Variants in ETFDH observed in about 807,000 individuals in gnomAD.
ETFDH encodes the protein electron transfer flavoprotein dehydrogenase.
Under a neutral mutation model 73.2 loss-of-function variants are expected in ETFDH, and 61 were observed. The ratio of observed to expected loss-of-function variants is 0.83; its 90% CI spans 0.68 to 1.03. The LOEUF (loss-of-function observed/expected upper bound fraction) is 1.03. Among genes scored for constraint, ETFDH ranks in the 50% least tolerant of loss-of-function variants. ETFDH has a pLI of 0.00. For missense variants in ETFDH, 685 were observed against 745.0 expected (o/e 0.92, Z 0.94); for synonymous variants, 243 against 253.3 (o/e 0.96, Z 0.39).
In ETFDH at chr4:158,672,409, G is replaced by T. The variant is rs1773593740; in HGVS notation, c.-48G>T. The T allele has an allele frequency of 1.2e-6, 2 of 1,610,278 alleles. No individual in the cohort carries two copies. Among genetic ancestry groups the T allele is most frequent in the Non-Finnish European group, 1.7e-6 (2 of 1,176,640 alleles). On this transcript the variant is annotated 5_prime_UTR_variant, in exon 1 of 13. Coordinates refer to ENST00000511912, the MANE Select transcript of ETFDH (RefSeq NM_004453.4). The stretch of plus-strand genomic sequence containing the variant: ...AGGTCCAGCGCCCGCCGCGAGCAGC[G>T]GACAGTCCTCCTGTTGTGTCCGACC...
intron 1 of ETFDH, among the ~76,000 whole-genome samples, chr4:158,677,803 A>G (rs565695910): frequency 3.9e-5 from 6 of 152,302 alleles, no homozygotes; most frequent in South Asian, 2.1e-4. Context: ...TCTACTTACC[A>G]TCATGGCATG....
rs370079385 is a variant in ETFDH, at chr4:158,672,453, G to C, written c.-4G>C. The C allele has an allele frequency of 6.2e-7, 1 of 1,614,150 alleles. No homozygotes were observed. The highest frequency in any genetic ancestry group is 1.1e-5 in the South Asian group (1 of 91,076). On this transcript the variant is annotated 5_prime_UTR_variant, in exon 1 of 13. Coordinates refer to ENST00000511912, the MANE Select transcript of ETFDH (RefSeq NM_004453.4). Reference sequence around the variant, plus strand: ...TCCGACCGAGAGTCCTGGTGACTTTGAACATGCTGGTGCCGCTAGCCAAGC... The same window carrying C: ...TCCGACCGAGAGTCCTGGTGACTTTCAACATGCTGGTGCCGCTAGCCAAGC...
chr4:158,680,764 A>G (rs1227775161), intron 2 of ETFDH, among the ~76,000 whole-genome samples, 157 bp downstream of exon 2: 1 of 152,242 alleles, frequency 6.6e-6, no homozygotes, highest in African/African-American at 2.4e-5. Context: ...TTCAGTCAAC[A>G]ACACGACAAT....
intron 1 of ETFDH, among the ~76,000 whole-genome samples, chr4:158,677,554 A>G (rs1387805842): frequency 2.0e-5 from 3 of 152,228 alleles, no homozygotes; most frequent in Non-Finnish European, 1.5e-5. Context: ...CTCACAAGAG[A>G]CAGCTTTGCA....
At chr4:158,691,917 A>G (rs546880201) in intron 6 of ETFDH, among the ~76,000 whole-genome samples, 6 of 152,336 alleles carry the variant, frequency 3.9e-5, no homozygotes, top group Admixed American at 3.9e-4. Flanking sequence ...ACTAGATTAT[A>G]AGCTCCCTAA....
At chr4:158,707,403 A>T (rs188981979) in intron 12 of ETFDH, among the ~76,000 whole-genome samples, 5 of 152,232 alleles carry the variant, frequency 3.3e-5, no homozygotes, top group Non-Finnish European at 5.9e-5. Context: ...TTGTCATTAC[A>T]GTGGGTTGAA....
At chr4:158,704,896 T>TG (rs1485207343) in intron 10 of ETFDH, among the ~76,000 whole-genome samples, 1 of 152,220 alleles carries the variant, frequency 6.6e-6, no homozygotes, top group African/African-American at 2.4e-5. Context: ...ATAGCCAAGA[T>TG]GGAGTGCAGT....
chr4:158,685,438 A>G (rs1054526345), intron 5 of ETFDH, among the ~76,000 whole-genome samples: 6 of 152,202 alleles, frequency 3.9e-5, no homozygotes, highest in African/African-American at 1.2e-4. Flanking sequence ...ATTGATCACC[A>G]TAAGGGATGA....
rs564340875 is a variant in ETFDH, at chr4:158,680,706, CTAA to C, written c.175+105_175+107del. ...AATATTTTTCATAATTTAAAAACAT[CTAA>C]TAATATTTTGTGGCTTTACCAAGTC... is the stretch of plus-strand genomic sequence containing the variant. On this transcript the variant is annotated intron_variant, in intron 2 of 12. Coordinates refer to ENST00000511912, the MANE Select transcript of ETFDH (RefSeq NM_004453.4). 7.8e-5 allele frequency: 82 copies of C among 1,056,548 alleles called. 1 individual carries two copies. In the South Asian group the frequency reaches 1.0e-3, roughly 13 times the overall value. The allele number at this position is 1,056,548 out of a possible 1,614,324, so 65.4% of individuals were successfully genotyped here.
intron 11 of ETFDH, 77 bp downstream of exon 11, chr4:158,706,448 G>GT (rs1272828348): frequency 7.9e-7 from 1 of 1,264,226 alleles, no homozygotes; most frequent in Non-Finnish European, 1.1e-6. Context: ...GAAAGTGATT[G>GT]TTTTAATGTT....
chr4:158,674,856 A>G (rs1452444927), intron 1 of ETFDH, among the ~76,000 whole-genome samples: 2 of 152,202 alleles, frequency 1.3e-5, no homozygotes, highest in Non-Finnish European at 2.9e-5. Context: ...AACTAAAGAC[A>G]TTTATATTTT....
intron 9 of ETFDH, among the ~76,000 whole-genome samples, chr4:158,702,544 T>G (rs72693399): frequency 3.9e-4 from 59 of 152,214 alleles, no homozygotes; most frequent in Non-Finnish European, 7.4e-4. Flanking sequence ...CTTTTTAAGT[T>G]TCCATATATG....
intron 5 of ETFDH, among the ~76,000 whole-genome samples, chr4:158,686,484 CT>C (rs2150307148): frequency 6.6e-6 from 1 of 152,306 alleles, no homozygotes; most frequent in African/African-American, 2.4e-5. Flanking sequence ...CGGTAGTAGA[CT>C]GAGAGAGGAA....
At chr4:158,675,195 C>T (rs1379646723) in intron 1 of ETFDH, among the ~76,000 whole-genome samples, 1 of 152,070 alleles carries the variant, frequency 6.6e-6, no homozygotes, top group Non-Finnish European at 1.5e-5. Context: ...AAACTATTCA[C>T]TCCCAAGCCC....
At chr4:158,690,495 G>C in intron 6 of ETFDH, 70 bp downstream of exon 6, 1 of 933,514 alleles carries the variant, frequency 1.1e-6, no homozygotes, top group Non-Finnish European at 1.8e-6. Flanking sequence ...GGGCATCAAA[G>C]TGAAACCCCA....
intron 1 of ETFDH, 97 bp downstream of exon 1, chr4:158,672,587 A>C (rs1319117599): frequency 8.0e-7 from 1 of 1,254,182 alleles, no homozygotes; most frequent in South Asian, 1.2e-5. Context: ...CCCTTCTCTC[A>C]TCAGCTTTCT....
chr4:158,696,196 T>C (rs1197196174), intron 7 of ETFDH, among the ~76,000 whole-genome samples: 1 of 152,228 alleles, frequency 6.6e-6, no homozygotes. Flanking sequence ...ATTTTCATTA[T>C]AACCCTTTTG....
At chr4:158,678,919 G>T (rs906842301) in intron 1 of ETFDH, among the ~76,000 whole-genome samples, 2 of 152,022 alleles carry the variant, frequency 1.3e-5, no homozygotes, top group African/African-American at 4.8e-5. Context: ...CCTTAGCTGA[G>T]ATTTACAGTC....
chr4:158,681,297 T>A (rs1048316739), intron 2 of ETFDH, among the ~76,000 whole-genome samples: 2 of 152,064 alleles, frequency 1.3e-5, no homozygotes, highest in South Asian at 2.1e-4. Flanking sequence ...GGAAAAAAAA[T>A]TTTAAAAAGA....
Sources: gnomAD v4.1 joint callset for allele counts (sites outside exome capture counted in the v4.1 genomes callset) on GRCh38, gnomAD v4.1.1 for gene constraint, MANE v1.5 for transcripts, NCBI Gene and HGNC (gene_info 2026-07-23, HGNC 2026-07-21) for gene names.